TCF25: variants seen among roughly 807,000 people sequenced by gnomAD.
TCF25 encodes the protein TCF25 ribosome quality control complex subunit.
A neutral mutation model predicts 83.1 loss-of-function variants in TCF25; 41 were observed. That is an observed-to-expected ratio of 0.49 (90% CI 0.38 to 0.64). The LOEUF (loss-of-function observed/expected upper bound fraction) is 0.64. Ranked by LOEUF, TCF25 falls within the 30% of genes least tolerant of loss-of-function variation. The probability of loss-of-function intolerance (pLI) is 0.00; values close to 1 mark genes in which losing one functional copy is unlikely to be tolerated. For missense variants in TCF25, 979 were observed against 914.5 expected, an observed-to-expected ratio of 1.07 and a Z score of -0.91; for synonymous variants, 458 against 365.0, an observed-to-expected ratio of 1.25 and a Z score of -2.90.
At chr16:89,875,076 TGC>T (rs2042074033) in intron 1 of TCF25, among the ~76,000 whole-genome samples, 1 of 152,210 alleles carries the variant, frequency 6.6e-6, no homozygotes, top group Non-Finnish European at 1.5e-5. Context: ...CCTAGCTCAC[TGC>T]AACCTTGAAC....
chr16:89,904,948 G>T lies in TCF25; in HGVS notation c.1480G>T (p.Ala494Ser), dbSNP rs1424538535. Residue 494 changes from alanine to serine, a missense_variant, in exon 14 of 18, where the codon GCC becomes TCC. By Grantham distance (99) the Ala-to-Ser change is moderately conservative. Transcript: ENST00000263346. ...CTTGCTCTCCCCCAGCCAGCCCCCT[G>T]CCCTGAGCCAGCTGGTGAACCTGTA... ...GPNAEISQPPALSQLVNLYLG... is the reference protein window; with the variant it reads ...GPNAEISQPPSLSQLVNLYLG... 3 of 1,607,068 alleles carry T rather than the reference G, an allele frequency of 1.9e-6. No homozygotes were observed. Among genetic ancestry groups the T allele is most frequent in the Non-Finnish European group, 2.5e-6 (3 of 1,177,206 alleles).
chr16:89,892,539 TGG>T (rs1385536031), intron 6 of TCF25, among the ~76,000 whole-genome samples: 1 of 152,226 alleles, frequency 6.6e-6, no homozygotes, highest in Non-Finnish European at 1.5e-5. Flanking sequence ...GCTGGAGGCC[TGG>T]CCCAGTACCT....
chr16:89,904,569 C>T, intron 13 of TCF25: 1 of 487,544 alleles, frequency 2.1e-6, no homozygotes, highest in Non-Finnish European at 3.8e-6. Flanking sequence ...GATGGTGAGA[C>T]CCCGTCTCAA....
chr16:89,875,066 C>A (rs1303412691), intron 1 of TCF25, among the ~76,000 whole-genome samples: 12 of 152,186 alleles, frequency 7.9e-5, no homozygotes, highest in Non-Finnish European at 8.8e-5. Flanking sequence ...TTGGCACAAT[C>A]CTAGCTCACT....
intron 8 of TCF25, among the ~76,000 whole-genome samples, chr16:89,895,535 A>G (rs970137985): frequency 6.6e-6 from 1 of 152,180 alleles, no homozygotes; most frequent in African/African-American, 2.4e-5. Context: ...TGAAGTTTTC[A>G]AGGTTCATCC....
At position 89,900,631 on chromosome 16, in the gene TCF25, G is replaced by A. The variant is rs199648155; in HGVS notation, c.1222-4G>A. On this transcript the variant is annotated splice_region_variant and splice_polypyrimidine_tract_variant and intron_variant, in intron 11 of 17. Transcript: ENST00000263346. ...TCCACGCTCTGTTTCTTCGTCCCTC[G>A]TAGGCTCATCGGAACCTGTCCCAGC... is the stretch of plus-strand genomic sequence containing the variant. 16 of 1,584,774 alleles carry A rather than the reference G, an allele frequency of 1.0e-5. No homozygotes were observed. In the African/African-American group the frequency reaches 1.6e-4, roughly 16 times the overall value.
Position 89,894,046 on chromosome 16 carries a change from A to AAGCG in TCF25, c.828+192_828+195dup, listed in dbSNP as rs1207720432. The AAGCG allele has an allele frequency of 6.2e-6, 5 of 809,708 alleles. No individual in the cohort carries two copies. In the Admixed American group the frequency reaches 1.5e-4, roughly 24 times the overall value. 50.2% of individuals were successfully genotyped at this position (809,708 alleles called of 1,614,324 possible). The stretch of plus-strand genomic sequence containing the variant: ...GAGATGTGTTCGGAGGCTCTAGGCC[A>AAGCG]AGCGAGCTCCATCCATACTCAGAGG... On this transcript the variant is annotated intron_variant, in intron 7 of 17. Transcript: ENST00000263346.
At chr16:89,891,995 G>T (rs2144103664) in intron 5 of TCF25, among the ~76,000 whole-genome samples, 198 bp from the exon 6 acceptor site, 1 of 152,138 alleles carries the variant, frequency 6.6e-6, no homozygotes, top group Middle Eastern at 3.4e-3. Context: ...TCTCTATGGG[G>T]CCCTCCCTGC....
intron 11 of TCF25, 35 bp downstream of exon 11, chr16:89,898,907 C>CG (rs1344938812): frequency 6.3e-6 from 10 of 1,585,098 alleles, no homozygotes; most frequent in African/African-American, 1.3e-5. Context: ...CGTGGAGGGA[C>CG]GGACACCTGC....
chr16:89,910,747 A>C (rs1408623805), intron 17 of TCF25, 84 bp downstream of exon 17: 5 of 1,460,748 alleles, frequency 3.4e-6, no homozygotes, highest in Non-Finnish European at 2.9e-6. Flanking sequence ...GCCTCCTTGA[A>C]CCAGGACTGT....
At chr16:89,908,875 G>A in intron 16 of TCF25, 1 of 1,235,308 alleles carries the variant, frequency 8.1e-7, no homozygotes, top group Non-Finnish European at 1.0e-6. Flanking sequence ...TCTGAGGTCA[G>A]GGCTTTGGGG....
chr16:89,876,658 G>A (rs908294580), intron 1 of TCF25, among the ~76,000 whole-genome samples: 6 of 152,166 alleles, frequency 3.9e-5, no homozygotes, highest in African/African-American at 1.4e-4. Flanking sequence ...CAGGCGTGGT[G>A]GCACATGCCT....
chr16:89,908,608 C>T (rs1341386039), intron 16 of TCF25, among the ~76,000 whole-genome samples: 8 of 35,800 alleles, frequency 2.2e-4, no homozygotes, highest in East Asian at 1.1e-3. Flanking sequence ...CCTCCCTCCT[C>T]CCAGCTCCCA....
At chr16:89,876,667 C>T (rs1418492517) in intron 1 of TCF25, among the ~76,000 whole-genome samples, 2 of 152,152 alleles carry the variant, frequency 1.3e-5, no homozygotes, top group African/African-American at 2.4e-5. Flanking sequence ...TGGCACATGC[C>T]TGTATTCCCA....
chr16:89,900,872 G>T, intron 12 of TCF25, 78 bp downstream of exon 12: 2 of 1,392,370 alleles, frequency 1.4e-6, no homozygotes. Flanking sequence ...GGTGGTGGAG[G>T]CCAGGTCCCA....
intron 16 of TCF25, chr16:89,908,851 C>T (rs2045304680): frequency 1.8e-6 from 2 of 1,122,460 alleles, no homozygotes; most frequent in Non-Finnish European, 2.3e-6. Context: ...CAGCTCCCAG[C>T]TCTCTCCTGC....
In TCF25 at chr16:89,895,100, C is replaced by A. The variant is rs1284875452; in HGVS notation, c.891C>A (p.Arg297=). 6.2e-7 allele frequency: 1 copy of A among 1,613,284 alleles called. No homozygotes were observed. Among genetic ancestry groups the A allele is most frequent in the South Asian group, 1.1e-5 (1 of 91,062 alleles). ...TCCTGCAGCTCAGCGATGCCTGCCGCTTTCAAGAGGATCAGGAGATGGCTC... is the reference window on the plus strand; with the variant it reads ...TCCTGCAGCTCAGCGATGCCTGCCGATTTCAAGAGGATCAGGAGATGGCTC... ...DSLLQLSDAC[R]FQEDQEMARD... The change falls in exon 8 of 18, where the codon CGC becomes CGA. Residue 297 remains arginine, a synonymous_variant. Coordinates refer to ENST00000263346, the MANE Select transcript of TCF25 (RefSeq NM_014972.3).
At chr16:89,874,287 C>T (rs2041990310) in intron 1 of TCF25, among the ~76,000 whole-genome samples, 1 of 149,928 alleles carries the variant, frequency 6.7e-6, no homozygotes, top group Non-Finnish European at 1.5e-5. Flanking sequence ...TGTCGTGGGG[C>T]CGTGACGCTA....
intron 1 of TCF25, among the ~76,000 whole-genome samples, chr16:89,881,834 A>T (rs1366863547): frequency 6.6e-6 from 1 of 152,016 alleles, no homozygotes; most frequent in African/African-American, 2.4e-5. Context: ...GGCTCGCTGC[A>T]ACCTCTGCCT....
Sources: allele counts gnomAD v4.1 joint callset (sites outside exome capture counted in the v4.1 genomes callset), GRCh38; gene constraint gnomAD v4.1.1; transcripts MANE v1.5; gene names NCBI Gene and HGNC (gene_info 2026-07-23, HGNC 2026-07-21).